The following UGT2B4 variants were observed in gnomAD, a reference collection of about 807,000 sequenced individuals.
The protein encoded by UGT2B4 is UDP glucuronosyltransferase family 2 member B4.
In UGT2B4, 49 loss-of-function variants were observed where a neutral mutation model predicts 49.8. The observed-to-expected ratio is 0.98, with a 90% CI of 0.78 to 1.25. The LOEUF (loss-of-function observed/expected upper bound fraction) is 1.25, where lower values mean the gene tolerates loss of function less well. UGT2B4 is among the 50% of genes most tolerant of loss of function. The pLI is 0.00. For synonymous variants in UGT2B4, 246 were observed against 217.7 expected (o/e 1.13, Z -1.14); for missense variants, 729 against 627.7 (o/e 1.16, Z -1.73).
chr4:69,498,000 T>A (rs1049472335), upstream of UGT2B4, among the ~76,000 whole-genome samples: 13 of 105,746 alleles, frequency 1.2e-4, no homozygotes, highest in Admixed American at 8.7e-4. Context: ...AATGCAAGAC[T>A]CTCCACGAAG....
At position 69,485,194 on chromosome 4, in the gene UGT2B4, A is replaced by T; in HGVS notation, c.1310+14T>A. On this transcript the variant is annotated intron_variant, in intron 5 of 5. Transcript: ENST00000305107. The stretch of plus-strand genomic sequence containing the variant: ...TCTATAAAGACCACCGAGTAAAAAA[A>T]AAGTTATACTCACAAAGGATCATTA... 1 of 1,613,798 alleles carries T rather than the reference A, an allele frequency of 6.2e-7. No individual in the cohort carries two copies. Among genetic ancestry groups the T allele is most frequent in the Non-Finnish European group, 8.5e-7 (1 of 1,179,766 alleles).
At chr4:69,499,759 G>T (rs1295407298), upstream of UGT2B4, among the ~76,000 whole-genome samples, 2 of 152,056 alleles carry the variant, frequency 1.3e-5, no homozygotes, top group East Asian at 3.9e-4. Flanking sequence ...GTGTGTCTTT[G>T]CAAGTGAGAT....
chr4:69,525,622 T>G (rs1430262597), intron 1 of UGT2B4: 2 of 1,047,756 alleles, frequency 1.9e-6, no homozygotes, highest in Non-Finnish European at 2.5e-6. Context: ...GATTATCTAC[T>G]CAGGTATCTA....
rs112353607 is a variant in UGT2B4, at chr4:69,521,367, C to T, written c.-106+4320G>A. The stretch of plus-strand genomic sequence containing the variant: ...CAGGGACGTGACAACCTCTTTGGGG[C>T]TCTGCAGTTCCTGATGTCTCCAAGC... On this transcript the variant is annotated intron_variant, in intron 1 of 1. Coordinates refer to the UGT2B4 transcript ENST00000510114. Among the ~76,000 whole-genome samples the T allele has an allele frequency of 6.9e-3, 1,056 of 152,262 alleles. 12 individuals are homozygous for T. The highest frequency in any genetic ancestry group is 0.022 in the African/African-American group (926 of 41,544).
chr4:69,514,568 C>T (rs1371251367), intron 1 of UGT2B4, among the ~76,000 whole-genome samples: 1 of 152,090 alleles, frequency 6.6e-6, no homozygotes, highest in East Asian at 1.9e-4. Flanking sequence ...CCAGTTTTCG[C>T]CCATTCAGTA....
upstream of UGT2B4, among the ~76,000 whole-genome samples, chr4:69,500,331 AC>A (rs1728268476): frequency 6.6e-6 from 1 of 152,066 alleles, no homozygotes; most frequent in African/African-American, 2.4e-5. Context: ...GCAGCAAACC[AC>A]CATGGCACAT....
chr4:69,488,069 T>C (rs1178354016), intron 3 of UGT2B4, among the ~76,000 whole-genome samples: 4 of 152,186 alleles, frequency 2.6e-5, no homozygotes, highest in South Asian at 4.1e-4. Context: ...AAAGGTAGCA[T>C]GTATAACTTC....
intron 1 of UGT2B4, among the ~76,000 whole-genome samples, chr4:69,512,682 A>C (rs1728635671): frequency 6.6e-6 from 1 of 151,434 alleles, no homozygotes; most frequent in South Asian, 2.1e-4. Context: ...ACAGTGTAAA[A>C]CCATTTTTTT....
chr4:69,507,715 G>A (rs904856950), intron 1 of UGT2B4, among the ~76,000 whole-genome samples: 3 of 151,950 alleles, frequency 2.0e-5, no homozygotes, highest in Non-Finnish European at 4.4e-5. Context: ...AACTCAAGAT[G>A]GATTAAAGAC....
chr4:69,493,666 C>T (rs1303417814), intron 2 of UGT2B4, 27 bp downstream of exon 2: 3 of 1,586,148 alleles, frequency 1.9e-6, no homozygotes. Context: ...AACTTCAAAG[C>T]AGACAAAACA....
intron 3 of UGT2B4, among the ~76,000 whole-genome samples, chr4:69,488,403 TA>T (rs41297409): frequency 1.7e-4 from 26 of 151,422 alleles, no homozygotes; most frequent in Admixed American, 1.3e-3. Flanking sequence ...CCTTATAAAT[TA>T]AAAAAAAATA....
chr4:69,521,476 C>T (rs1728847942), intron 1 of UGT2B4, among the ~76,000 whole-genome samples: 1 of 152,214 alleles, frequency 6.6e-6, no homozygotes, highest in Admixed American at 6.5e-5. Flanking sequence ...CCAGCTGCAG[C>T]TTCACACAGA....
At chr4:69,499,666 A>C (rs183693306), upstream of UGT2B4, among the ~76,000 whole-genome samples, 37 of 152,224 alleles carry the variant, frequency 2.4e-4, no homozygotes, top group Non-Finnish European at 5.9e-5. Flanking sequence ...CTCTTTTGTC[A>C]GAAATTAGGA....
intron 5 of UGT2B4, among the ~76,000 whole-genome samples, chr4:69,483,405 T>C (rs575630150): frequency 3.9e-5 from 6 of 152,266 alleles, no homozygotes; most frequent in African/African-American, 1.4e-4. Context: ...TTATGTTACA[T>C]TACAACATTA....
intron 1 of UGT2B4, among the ~76,000 whole-genome samples, chr4:69,522,103 AT>A (rs1243672525): frequency 6.6e-6 from 1 of 152,200 alleles, no homozygotes; most frequent in Non-Finnish European, 1.5e-5. Flanking sequence ...ATGGAAAAAG[AT>A]GCAAATATAT....
Position 69,480,603 on chromosome 4 carries a change from T to G in UGT2B4, c.*31A>C. The G allele has an allele frequency of 1.2e-6, 2 of 1,603,150 alleles. No homozygotes were observed. Among genetic ancestry groups the G allele is most frequent in the Non-Finnish European group, 1.7e-6 (2 of 1,173,918 alleles). On this transcript the variant is annotated 3_prime_UTR_variant, in exon 6 of 6. Coordinates refer to ENST00000305107, the MANE Select transcript of UGT2B4 (RefSeq NM_021139.3). ...TAATAAACTAAAGGAGTTCATTTAT[T>G]GGGTTTCCCAGCTTCCAGCCTCAGA...
At chr4:69,517,352 T>A (rs1728756985) in intron 1 of UGT2B4, among the ~76,000 whole-genome samples, 2 of 152,186 alleles carry the variant, frequency 1.3e-5, no homozygotes, top group Non-Finnish European at 2.9e-5. Flanking sequence ...ATAAGAATGA[T>A]GACCATCTTA....
At chr4:69,499,174 T>C (rs1328303209), upstream of UGT2B4, among the ~76,000 whole-genome samples, 1 of 152,242 alleles carries the variant, frequency 6.6e-6, no homozygotes, top group East Asian at 1.9e-4. Flanking sequence ...TGTGGGGTTT[T>C]AAGTGAGTTT....
At chr4:69,522,623 G>A (rs1012771161) in intron 1 of UGT2B4, among the ~76,000 whole-genome samples, 2 of 152,140 alleles carry the variant, frequency 1.3e-5, no homozygotes, top group Admixed American at 6.5e-5. Flanking sequence ...TTTTGTTCCT[G>A]GAAGATTTTT....
Sources: gnomAD v4.1 joint callset for allele counts (sites outside exome capture counted in the v4.1 genomes callset) on GRCh38, gnomAD v4.1.1 for gene constraint, MANE v1.5 for transcripts, NCBI Gene and HGNC (gene_info 2026-07-23, HGNC 2026-07-21) for gene names.